Variants in HNRNPL observed in about 807,000 individuals in gnomAD.
HNRNPL encodes heterogeneous nuclear ribonucleoprotein L.
In HNRNPL, 12 loss-of-function variants were observed where a neutral mutation model predicts 64.0. The ratio of observed to expected loss-of-function variants is 0.19; its 90% CI spans 0.12 to 0.30. The LOEUF (loss-of-function observed/expected upper bound fraction) is 0.30, where lower values mean the gene tolerates loss of function less well. HNRNPL is among the 10% of genes least tolerant of loss of function. The pLI is 1.00. For synonymous variants in HNRNPL, 385 were observed against 313.0 expected (o/e 1.23, Z -2.43); for missense variants, 484 against 797.4 (o/e 0.61, Z 4.73).
chr19:38,838,866 T>TG (rs755510224), intron 9 of HNRNPL, 28 bp downstream of exon 9: 2 of 1,613,714 alleles, frequency 1.2e-6, no homozygotes, highest in African/African-American at 2.7e-5. Flanking sequence ...CCTGTACCTC[T>TG]GCTGCCCTCC....
In HNRNPL at chr19:38,840,366, G is replaced by T. The variant is rs771459173; in HGVS notation, c.963C>A (p.His321Gln). 1 of 1,551,820 alleles carries T rather than the reference G, an allele frequency of 6.4e-7. No homozygotes were observed. Among genetic ancestry groups the T allele is most frequent in the Non-Finnish European group, 8.7e-7 (1 of 1,148,904 alleles). ...GDHPAEYGGPHGGYHSHYHDE... is the reference protein window; with the variant it reads ...GDHPAEYGGPQGGYHSHYHDE... Reference sequence around the variant, plus strand: ...CATGGTAATGGCTGTGGTACCCACCGTGGGGCCCTCCTGGGGGGTGGGAAG... The same window carrying T: ...CATGGTAATGGCTGTGGTACCCACCTTGGGGCCCTCCTGGGGGGTGGGAAG... Residue 321 changes from histidine (H) to glutamine (Q), a missense_variant, in exon 8 of 13, where the codon CAC becomes CAA. Around this residue, in one of 9 missense-constraint regions of HNRNPL, gnomAD observed 46 missense variants for 37.4 expected, o/e 1.23. Coordinates refer to ENST00000221419, the MANE Select transcript of HNRNPL (RefSeq NM_001533.3).
chr19:38,837,446 T>G lies in HNRNPL; in HGVS notation c.1649A>C (p.Glu550Ala), dbSNP rs1971966395. 6.2e-7 allele frequency: 1 copy of G among 1,614,224 alleles called. No homozygotes were observed. The stretch of plus-strand genomic sequence containing the variant: ...AGTCTCCAGGGCATCGCTCTTGGAT[T>G]CCCACTCCAGCAGTCCAGAGGAGCT... ...ERSSSGLLEW[E>A]SKSDALETLG... Residue 550 changes from glutamate to alanine, a missense_variant, in exon 12 of 13, where the codon GAA becomes GCA. This residue lies in a region of HNRNPL where 69 missense variants were observed against 91.8 expected (regional missense o/e 0.75). Coordinates refer to ENST00000221419, the MANE Select transcript of HNRNPL (RefSeq NM_001533.3).
intron 6 of HNRNPL, chr19:38,842,155 T>C (rs1600056952): frequency 6.5e-6 from 1 of 153,364 alleles, no homozygotes; most frequent in African/African-American, 2.4e-5. Flanking sequence ...CAGATTATGT[T>C]GGCAGCCGGT....
At chr19:38,841,756 T>C in intron 6 of HNRNPL, 2 of 602,476 alleles carry the variant, frequency 3.3e-6, no homozygotes, top group Non-Finnish European at 5.5e-6. Flanking sequence ...AAAGAATTGT[T>C]TTAAAAGTCA....
intron 6 of HNRNPL, chr19:38,841,197 T>C (rs1235069448): frequency 3.9e-6 from 1 of 255,174 alleles, no homozygotes; most frequent in East Asian, 1.1e-4. Flanking sequence ...ATGGCGCAGA[T>C]CCACCCCGAC....
rs762235458 is a variant in HNRNPL, at chr19:38,838,450, C to T, written c.1504G>A (p.Val502Met). The change falls in exon 10 of 13, where the codon GTG becomes ATG. Residue 502 changes from valine to methionine, a missense_variant. This residue lies in a region of HNRNPL where 53 missense variants were observed against 131.3 expected (regional missense o/e 0.40). Coordinates refer to ENST00000221419, the MANE Select transcript of HNRNPL (RefSeq NM_001533.3). Reference protein sequence around the residue: ...AKNRIQHPSNVLHFFNAPLEV... With the variant: ...AKNRIQHPSNMLHFFNAPLEV... ...AGCGGGGCGTTGAAGAAGTGCAGCA[C>T]GTTGCTGGGGTGCTGGATGCGGTTC... 5.6e-6 allele frequency: 9 copies of T among 1,613,930 alleles called. No individual in the cohort carries two copies. The highest frequency in any genetic ancestry group is 4.5e-5 in the East Asian group (2 of 44,900).
chr19:38,847,897 A>G (rs1291024203), intron 1 of HNRNPL, among the ~76,000 whole-genome samples: 1 of 152,148 alleles, frequency 6.6e-6, no homozygotes, highest in African/African-American at 2.4e-5. Flanking sequence ...TGGCTGAGCC[A>G]CCATCATCTA....
intron 6 of HNRNPL, chr19:38,841,767 A>T (rs377069481): frequency 1.8e-6 from 1 of 553,122 alleles, no homozygotes; most frequent in Non-Finnish European, 3.1e-6. Context: ...TTAAAAGTCA[A>T]TATTTTGATT....
chr19:38,851,603 A>G (rs1972505613), upstream of HNRNPL, among the ~76,000 whole-genome samples: 1 of 152,134 alleles, frequency 6.6e-6, no homozygotes, highest in Non-Finnish European at 1.5e-5. Context: ...GGTGGAAACT[A>G]AGTTTGAAAT....
chr19:38,846,852 G>A (rs1972313451), intron 2 of HNRNPL, among the ~76,000 whole-genome samples: 1 of 152,170 alleles, frequency 6.6e-6, no homozygotes, highest in African/African-American at 2.4e-5. Context: ...AGCTTGCAGT[G>A]AGCTGAGATT....
chr19:38,849,657 C>T lies in HNRNPL; in HGVS notation c.267+43G>A, dbSNP rs1972435470. 4 of 1,304,214 alleles carry T rather than the reference C, an allele frequency of 3.1e-6. No homozygotes were observed. In the South Asian group the frequency reaches 9.5e-5, roughly 31 times the overall value. 80.8% of individuals were successfully genotyped at this position (1,304,214 alleles called of 1,614,324 possible). A position where few individuals can be genotyped will look rare whatever the true frequency, so the allele number is the denominator to read the frequency against. ...AATGCCCTCAAGCTGGGAAATTGTCCCCCAGTTCCCGGCCTTCCCAGCGCC... is the reference window on the plus strand; with the variant it reads ...AATGCCCTCAAGCTGGGAAATTGTCTCCCAGTTCCCGGCCTTCCCAGCGCC... On this transcript the variant is annotated intron_variant, in intron 1 of 12. Transcript: ENST00000221419.
intron 6 of HNRNPL, chr19:38,843,454 C>T (rs866996213): frequency 3.1e-5 from 7 of 225,826 alleles, no homozygotes; most frequent in Middle Eastern, 1.7e-3. Context: ...CAAATCAGAC[C>T]CTCTCAACAG....
intron 6 of HNRNPL, chr19:38,841,538 A>T (rs753741647): frequency 4.6e-6 from 3 of 650,692 alleles, no homozygotes; most frequent in Non-Finnish European, 7.4e-6. Context: ...ACAAAATGGA[A>T]AAGGACTACT....
At position 38,849,821 on chromosome 19, in the gene HNRNPL, C is replaced by G. The variant is rs1211277623; in HGVS notation, c.146G>C (p.Gly49Ala). Reference protein sequence around the residue: ...GGGGGGGRYYGGGSEGGRAPK... With the variant: ...GGGGGGGRYYAGGSEGGRAPK... ...GGCCCGGCCGCCCTCACTGCCGCCGCCGTAGTAGCGGCCACCGCCGCCTCC... is the reference window on the plus strand; with the variant it reads ...GGCCCGGCCGCCCTCACTGCCGCCGGCGTAGTAGCGGCCACCGCCGCCTCC... The change falls in exon 1 of 13, where the codon GGC becomes GCC. Residue 49 changes from glycine to alanine, a missense_variant. Physicochemically the swap from Gly to Ala is moderately conservative, Grantham distance 60. Transcript: ENST00000221419. 1.6e-6 allele frequency: 2 copies of G among 1,267,284 alleles called. No homozygotes were observed. Among genetic ancestry groups the G allele is most frequent in the Non-Finnish European group, 2.2e-6 (2 of 918,720 alleles). 78.5% of individuals were successfully genotyped at this position (1,267,284 alleles called of 1,614,324 possible). A position where few individuals can be genotyped will look rare whatever the true frequency, so the allele number is the denominator to read the frequency against.
Position 38,840,083 on chromosome 19 carries a change from G to T in HNRNPL, c.1233+13C>A, listed in dbSNP as rs766599045. On this transcript the variant is annotated intron_variant, in intron 8 of 12. Coordinates refer to ENST00000221419, the MANE Select transcript of HNRNPL (RefSeq NM_001533.3). ...GCTCAGCGAGGAACCCAGGGGGCCC[G>T]GCAGCAGCTCACCTTCTCCACATTG... 30 of 1,612,844 alleles carry T rather than the reference G, an allele frequency of 1.9e-5. No individual in the cohort carries two copies.
rs1489598817 is a variant in HNRNPL at position 38,849,891 on chromosome 19, G to A, written c.76C>T (p.Arg26Trp). 8.0e-7 allele frequency: 1 copy of A among 1,252,712 alleles called. No homozygotes were observed. Among genetic ancestry groups the A allele is most frequent in the Non-Finnish European group, 1.1e-6 (1 of 891,734 alleles). 77.6% of individuals were successfully genotyped at this position (1,252,712 alleles called of 1,614,324 possible). A position where few individuals can be genotyped will look rare whatever the true frequency, so the allele number is the denominator to read the frequency against. ...LEQRQQPDEQ[R>W]RRSGAMVKMA... The stretch of plus-strand genomic sequence containing the variant: ...TTCACCATCGCTCCCGACCGCCTCC[G>A]CTGCTCGTCCGGCTGCTGCCTCTGC... Residue 26 changes from arginine to tryptophan, a missense_variant, in exon 1 of 13, where the codon CGG becomes TGG. Physicochemically the swap from Arg to Trp is moderately radical, Grantham distance 101. Transcript: ENST00000221419.
rs532242385 is a variant in HNRNPL at position 38,838,381 on chromosome 19, G to C, written c.1557+16C>G. The C allele has an allele frequency of 1.9e-6, 3 of 1,598,748 alleles. No individual in the cohort carries two copies. The African/African-American group carries it at 4.0e-5, about 21-fold the overall frequency. ...TGGCAAGGACCCGACTGCCTGCGCA[G>C]CTCCACGGCACACACCTCAAAGAAG... is the stretch of plus-strand genomic sequence containing the variant. On this transcript the variant is annotated intron_variant, in intron 10 of 12. Transcript: ENST00000221419.
intron 1 of HNRNPL, among the ~76,000 whole-genome samples, chr19:38,849,023 T>C (rs1972402832): frequency 6.6e-6 from 1 of 152,106 alleles, no homozygotes; most frequent in Non-Finnish European, 1.5e-5. Context: ...GCTTCCAACA[T>C]GGCCAGGAAA....
chr19:38,836,893 A>C, intron 12 of HNRNPL, 113 bp from the exon 13 acceptor site: 1 of 707,282 alleles, frequency 1.4e-6, no homozygotes, highest in Non-Finnish European at 2.5e-6. Context: ...GCAGGGGTCT[A>C]AGGAGTGACT....
Sources: allele counts gnomAD v4.1 joint callset (sites outside exome capture counted in the v4.1 genomes callset), GRCh38; gene constraint gnomAD v4.1.1; regional missense constraint gnomAD v4.1.1; transcripts MANE v1.5; gene names NCBI Gene and HGNC (gene_info 2026-07-23, HGNC 2026-07-21).